Variants in AHCY observed in about 807,000 individuals in gnomAD.
AHCY encodes adenosylhomocysteinase.
A neutral mutation model predicts 45.4 loss-of-function variants in AHCY; 24 were observed. That is an observed-to-expected ratio of 0.53 (90% confidence interval 0.38 to 0.74). The LOEUF is 0.74. Among genes scored for constraint, AHCY ranks in the 30% least tolerant of loss-of-function variants. The pLI is 0.00. For synonymous variants in AHCY, 245 were observed against 235.1 expected, an observed-to-expected ratio of 1.04 and a Z score of -0.39; for missense variants, 449 against 594.1, an observed-to-expected ratio of 0.76 and a Z score of 2.54.
chr20:34,290,592 G>A lies in AHCY; in HGVS notation c.813C>T (p.Ile271=). 1 of 1,614,196 alleles carries A rather than the reference G, an allele frequency of 6.2e-7. No homozygotes were observed. Among genetic ancestry groups the A allele is most frequent in the Non-Finnish European group, 8.5e-7 (1 of 1,180,046 alleles). Residue 271 remains isoleucine (I), a synonymous_variant, in exon 7 of 10, where the codon ATC becomes ATT. Coordinates refer to ENST00000217426, the MANE Select transcript of AHCY (RefSeq NM_000687.4). This position sits in a 1 kb window ranked among gnomAD's most constrained non-coding sequence, Gnocchi z 4.5. ...TMDEACQEGN[I]FVTTTGCIDI... ...CAATACAGCCTGTGGTGGTGACAAAGATGTTGCCCTCCTGACAGGCCTCAT... is the reference window on the plus strand; with the variant it reads ...CAATACAGCCTGTGGTGGTGACAAAAATGTTGCCCTCCTGACAGGCCTCAT...
At chr20:34,266,155 C>G in the AHCY span, among the ~76,000 whole-genome samples, 3 of 150,394 alleles carry the variant, frequency 2.0e-5, no homozygotes, top group Admixed American at 2.0e-4. Context: ...AGATCAAGAC[C>G]ATCCTGGCTA....
chr20:34,297,780 A>G (rs1036401841), intron 1 of AHCY, among the ~76,000 whole-genome samples: 2 of 152,058 alleles, frequency 1.3e-5, no homozygotes, highest in African/African-American at 4.8e-5. Context: ...CTTTTCCCCT[A>G]TGGAATCCAC....
At chr20:34,311,418 C>T (rs943536582) in intron 1 of AHCY, 1 of 152,228 alleles carries the variant, frequency 6.6e-6, no homozygotes, top group South Asian at 2.1e-4. Flanking sequence ...GCGGGAAGGT[C>T]GAAACCCCAG....
intron 1 of AHCY, among the ~76,000 whole-genome samples, chr20:34,298,426 A>T (rs2036644589): frequency 6.6e-6 from 1 of 152,126 alleles, no homozygotes; most frequent in Non-Finnish European, 1.5e-5. Flanking sequence ...AGGTGTGACC[A>T]GAAGACAAGA....
chr20:34,239,904 G>T, the AHCY span, among the ~76,000 whole-genome samples: 6 of 152,170 alleles, frequency 3.9e-5, no homozygotes, highest in Non-Finnish European at 8.8e-5. Context: ...GAGCCTCTAA[G>T]CTCCACATTA....
the AHCY span, among the ~76,000 whole-genome samples, chr20:34,256,594 T>G: frequency 6.6e-6 from 1 of 152,020 alleles, no homozygotes; most frequent in Non-Finnish European, 1.5e-5. Context: ...TGAGCCACCA[T>G]GCCTGGCCTC....
chr20:34,244,312 A>T, the AHCY span, among the ~76,000 whole-genome samples: 2 of 152,176 alleles, frequency 1.3e-5, no homozygotes, highest in African/African-American at 2.4e-5. Context: ...TTCACTTGCT[A>T]TTTCCAGGAC....
At chr20:34,302,496 A>G (rs899412280) in intron 1 of AHCY, 110 of 668,364 alleles carry the variant, frequency 1.6e-4, no homozygotes, top group Non-Finnish European at 2.0e-4. Flanking sequence ...CCTCTGCCTC[A>G]GGATTCTCAT....
Position 34,291,807 on chromosome 20 carries a change from C to A in AHCY, c.446-276G>T, listed in dbSNP as rs116877754. Among the ~76,000 whole-genome samples, 398 of 152,336 alleles carry A rather than the reference C, an allele frequency of 2.6e-3. 5 individuals are homozygous for A. In the East Asian group the frequency reaches 0.036, roughly 14 times the overall value. ...CTAGTCCGTGACCCTGTCGCTTCTT[C>A]CCAGTCTCCCTACCACAACCCATCC... On this transcript the variant is annotated intron_variant, in intron 4 of 9. Coordinates refer to ENST00000217426, the MANE Select transcript of AHCY (RefSeq NM_000687.4).
chr20:34,262,743 C>A, the AHCY span: 1 of 1,466,608 alleles, frequency 6.8e-7, no homozygotes, highest in Non-Finnish European at 9.5e-7. Context: ...GACCTTGTGA[C>A]TTCCCAAGCC....
chr20:34,288,539 C>T (rs2036262492), intron 8 of AHCY, among the ~76,000 whole-genome samples: 1 of 152,036 alleles, frequency 6.6e-6, no homozygotes, highest in Non-Finnish European at 1.5e-5. Flanking sequence ...TAGTAGTGCA[C>T]ATCTGTAGTC....
At chr20:34,300,710 G>A (rs1028822278) in intron 1 of AHCY, among the ~76,000 whole-genome samples, 3 of 152,208 alleles carry the variant, frequency 2.0e-5, no homozygotes, top group Non-Finnish European at 2.9e-5. Context: ...CAGTGAAGTG[G>A]GGAACCTACA....
At chr20:34,294,711 G>T (rs967520544) in intron 2 of AHCY, among the ~76,000 whole-genome samples, 1 of 152,180 alleles carries the variant, frequency 6.6e-6, no homozygotes, top group Non-Finnish European at 1.5e-5. Flanking sequence ...TTCTGCCTGA[G>T]ATGAGTACTA....
intron 1 of AHCY, chr20:34,302,589 A>G (rs2036814856): frequency 2.0e-6 from 2 of 983,950 alleles, no homozygotes; most frequent in Non-Finnish European, 2.4e-6. Context: ...GGAAACACTA[A>G]GTAAACGTTA....
chr20:34,298,950 C>T (rs1357489389), intron 1 of AHCY, among the ~76,000 whole-genome samples: 1 of 152,178 alleles, frequency 6.6e-6, no homozygotes, highest in East Asian at 1.9e-4. Context: ...GGACACGTGA[C>T]CCACATGACC....
chr20:34,276,202 A>G (rs950738849), downstream of AHCY, among the ~76,000 whole-genome samples: 2 of 152,194 alleles, frequency 1.3e-5, no homozygotes, highest in African/African-American at 4.8e-5. Flanking sequence ...CAGCATTGGG[A>G]AACACTGGGG....
At chr20:34,272,300 C>T in the AHCY span, among the ~76,000 whole-genome samples, 37 of 152,320 alleles carry the variant, frequency 2.4e-4, no homozygotes, top group Admixed American at 3.9e-4. Context: ...CAACAGTCAT[C>T]AACACACAAC....
At chr20:34,308,596 C>T (rs2036917945) in intron 1 of AHCY, among the ~76,000 whole-genome samples, 1 of 151,498 alleles carries the variant, frequency 6.6e-6, no homozygotes, top group Admixed American at 6.6e-5. Flanking sequence ...ATAATTATAC[C>T]CAATTTTGGA....
At chr20:34,254,513 C>T in the AHCY span, among the ~76,000 whole-genome samples, 7 of 152,308 alleles carry the variant, frequency 4.6e-5, no homozygotes, top group African/African-American at 1.4e-4. Context: ...CCTTTGGCAA[C>T]TCATTTGGCA....
Sources: gnomAD v4.1 joint callset for allele counts (sites outside exome capture counted in the v4.1 genomes callset) on GRCh38, gnomAD v4.1.1 for gene constraint, Gnocchi (gnomAD v3.1) non-coding constraint, MANE v1.5 for transcripts, NCBI Gene and HGNC (gene_info 2026-07-23, HGNC 2026-07-21) for gene names.